IQCJ: variants seen among roughly 807,000 people sequenced by gnomAD.
The protein encoded by IQCJ is IQ domain-containing protein J.
In IQCJ, 9 loss-of-function variants were observed where a neutral mutation model predicts 11.0. That is an observed-to-expected ratio of 0.82 (90% confidence interval 0.49 to 1.43). The LOEUF (loss-of-function observed/expected upper bound fraction) is 1.43, where lower values mean the gene tolerates loss of function less well. IQCJ is among the 40% of genes most tolerant of loss of function. The probability of loss-of-function intolerance (pLI) is 0.00; values close to 1 mark genes in which losing one functional copy is unlikely to be tolerated. For synonymous variants in IQCJ, 55 were observed against 51.3 expected (o/e 1.07, Z -0.31); for missense variants, 146 against 133.2 (o/e 1.10, Z -0.47).
At chr3:159,230,051 C>A (rs1271460965) in intron 1 of IQCJ, among the ~76,000 whole-genome samples, 1 of 150,780 alleles carries the variant, frequency 6.6e-6, no homozygotes, top group Non-Finnish European at 1.5e-5. Context: ...TCCTTACCTC[C>A]ACCCTCTTAT....
At chr3:159,244,403 AG>A (rs1307156630) in intron 1 of IQCJ, among the ~76,000 whole-genome samples, 2 of 152,138 alleles carry the variant, frequency 1.3e-5, no homozygotes, top group Non-Finnish European at 2.9e-5. Context: ...TGTAGTATGT[AG>A]CACGTGGGGA....
rs191648550 is a variant in IQCJ at position 159,191,255 on chromosome 3, A to G, written c.10-54588A>G. Among the ~76,000 whole-genome samples, 690 of 152,200 alleles carry G rather than the reference A, an allele frequency of 4.5e-3. 5 individuals carry two copies. The highest frequency in any genetic ancestry group is 0.013 in the African/African-American group (529 of 41,522). The stretch of plus-strand genomic sequence containing the variant: ...ACCTTCTCTAGGCTCAGGTTGGAGG[A>G]GCATGGGTTTAGGTGTACAGTTAGC... On this transcript the variant is annotated intron_variant, in intron 1 of 3. Coordinates refer to ENST00000397832, the MANE Select transcript of IQCJ (RefSeq NM_001042706.3).
intron 1 of IQCJ, among the ~76,000 whole-genome samples, chr3:159,092,984 A>C (rs141300886): frequency 1.3e-5 from 2 of 151,610 alleles, no homozygotes; most frequent in Admixed American, 6.6e-5. Flanking sequence ...TTGGTGACTT[A>C]TTTGGACTTT....
intron 1 of IQCJ, among the ~76,000 whole-genome samples, chr3:159,131,591 A>T (rs553870500): frequency 6.6e-6 from 1 of 152,198 alleles, no homozygotes; most frequent in South Asian, 2.1e-4. Flanking sequence ...CTTTAGTAAC[A>T]TTATATTTTC....
intron 1 of IQCJ, among the ~76,000 whole-genome samples, chr3:159,150,829 A>G (rs1721172300): frequency 6.6e-6 from 1 of 152,142 alleles, no homozygotes; most frequent in Non-Finnish European, 1.5e-5. Flanking sequence ...TCTGCCAATC[A>G]TTGAGGCACC....
At chr3:159,119,699 T>C (rs922961104) in intron 1 of IQCJ, among the ~76,000 whole-genome samples, 4 of 152,194 alleles carry the variant, frequency 2.6e-5, no homozygotes, top group Admixed American at 6.5e-5. Context: ...TTCTATAAAG[T>C]GTGATTTTTA....
chr3:159,189,911 T>C (rs76463689), intron 1 of IQCJ, among the ~76,000 whole-genome samples: 7,897 of 152,234 alleles, frequency 0.052, 637 homozygotes, highest in African/African-American at 0.18. Context: ...AAGTCTGCAC[T>C]TATGCTAGGG....
intron 2 of IQCJ, among the ~76,000 whole-genome samples, chr3:159,248,079 T>C (rs2108202565): frequency 6.6e-6 from 1 of 152,322 alleles, no homozygotes; most frequent in Middle Eastern, 3.4e-3. Context: ...TACTCTTTCT[T>C]AGCTTTGTCA....
At chr3:159,224,682 T>C (rs1725740834) in intron 1 of IQCJ, among the ~76,000 whole-genome samples, 1 of 152,088 alleles carries the variant, frequency 6.6e-6, no homozygotes, top group South Asian at 2.1e-4. Context: ...AAGATCAGAG[T>C]AGAATCTAAT....
At chr3:159,117,341 T>A (rs1172007091) in intron 1 of IQCJ, among the ~76,000 whole-genome samples, 1 of 152,164 alleles carries the variant, frequency 6.6e-6, no homozygotes, top group Non-Finnish European at 1.5e-5. Flanking sequence ...TGGGGAGAAT[T>A]CATGTGTTAG....
At chr3:159,210,517 T>C (rs1724895347) in intron 1 of IQCJ, among the ~76,000 whole-genome samples, 1 of 152,202 alleles carries the variant, frequency 6.6e-6, no homozygotes, top group African/African-American at 2.4e-5. Flanking sequence ...GGGTGGTGTT[T>C]ATGTCTCTGA....
intron 1 of IQCJ, among the ~76,000 whole-genome samples, chr3:159,130,916 T>A (rs1719955186): frequency 1.3e-5 from 2 of 152,330 alleles, no homozygotes; most frequent in Admixed American, 6.5e-5. Flanking sequence ...TTATCACCTA[T>A]CTTTCAGAAG....
At position 159,214,147 on chromosome 3, in the gene IQCJ, C is replaced by T. The variant is rs546837641; in HGVS notation, c.10-31696C>T. ...GACATGTCCATCTAGACCTTAAACT[C>T]AACATGACCCATACACAAAACATTA... On this transcript the variant is annotated intron_variant, in intron 1 of 3. Transcript: ENST00000397832. Among the ~76,000 whole-genome samples the T allele has an allele frequency of 4.6e-5, 7 of 152,296 alleles. No homozygotes were observed. In the East Asian group the frequency reaches 1.4e-3, roughly 29 times the overall value.
At chr3:159,088,554 A>G (rs1172590022) in intron 1 of IQCJ, among the ~76,000 whole-genome samples, 2 of 152,130 alleles carry the variant, frequency 1.3e-5, no homozygotes, top group Non-Finnish European at 2.9e-5. Flanking sequence ...GTGGGAGTCT[A>G]AGTCTCTTGG....
At chr3:159,089,723 G>T in intron 1 of IQCJ, among the ~76,000 whole-genome samples, 1 of 151,558 alleles carries the variant, frequency 6.6e-6, no homozygotes. Flanking sequence ...GGCTCCTGAG[G>T]CTTCTGCATT....
intron 1 of IQCJ, among the ~76,000 whole-genome samples, chr3:159,187,550 C>T (rs989086385): frequency 1.3e-5 from 2 of 152,248 alleles, no homozygotes; most frequent in African/African-American, 2.4e-5. Context: ...CCATGCTCCG[C>T]GCGGTCAGGC....
intron 1 of IQCJ, among the ~76,000 whole-genome samples, chr3:159,142,609 G>A (rs939588010): frequency 1.3e-5 from 2 of 152,108 alleles, no homozygotes; most frequent in African/African-American, 4.8e-5. Context: ...GTAGAGACGG[G>A]GTTTCACCAT....
chr3:159,077,934 G>T (rs1716044334), intron 1 of IQCJ, among the ~76,000 whole-genome samples: 1 of 151,894 alleles, frequency 6.6e-6, no homozygotes, highest in South Asian at 2.1e-4. Context: ...ATATTTTTGA[G>T]TAATTGAGCC....
chr3:159,080,726 A>T (rs1043068845), intron 1 of IQCJ, among the ~76,000 whole-genome samples: 1 of 152,168 alleles, frequency 6.6e-6, no homozygotes, highest in Non-Finnish European at 1.5e-5. Flanking sequence ...ACAGAAATTC[A>T]GTCAAATAAA....
Sources: gnomAD v4.1 joint callset for allele counts (sites outside exome capture counted in the v4.1 genomes callset) on GRCh38, gnomAD v4.1.1 for gene constraint, MANE v1.5 for transcripts, NCBI Gene and HGNC (gene_info 2026-07-23, HGNC 2026-07-21) for gene names.